Variants in ZBTB20 observed in about 807,000 individuals in gnomAD.
ZBTB20 encodes the protein zinc finger and BTB domain containing 20, also known as zinc finger and BTB domain-containing protein 20.
A neutral mutation model predicts 56.9 loss-of-function variants in ZBTB20; 9 were observed. The observed-to-expected ratio is 0.16, with a 90% CI of 0.10 to 0.28. The LOEUF is 0.28. Ranked by LOEUF, ZBTB20 falls within the 10% of genes least tolerant of loss-of-function variation. The probability of loss-of-function intolerance (pLI) is 1.00; values close to 1 mark genes in which losing one functional copy is unlikely to be tolerated. For missense variants in ZBTB20, 655 were observed against 1,003.0 expected (o/e 0.65, Z 4.69); for synonymous variants, 417 against 420.7 (o/e 0.99, Z 0.11).
chr3:114,954,801 G>A (rs2107933705), intron 3 of ZBTB20, among the ~76,000 whole-genome samples: 1 of 152,290 alleles, frequency 6.6e-6, no homozygotes, highest in Non-Finnish European at 1.5e-5. Flanking sequence ...TCCAAGGGAA[G>A]TATCAGGGGA....
chr3:114,859,570 GCGT>G (rs1412088182), intron 4 of ZBTB20, among the ~76,000 whole-genome samples: 1 of 60,542 alleles, frequency 1.7e-5, no homozygotes, highest in African/African-American at 5.4e-5. Flanking sequence ...ACTTCTTATG[GCGT>G]TTTTTTTTTT....
chr3:114,781,694 T>C (rs1367256587), intron 5 of ZBTB20, among the ~76,000 whole-genome samples: 4 of 152,290 alleles, frequency 2.6e-5, no homozygotes, highest in East Asian at 1.9e-4. Context: ...TCATCTTGAA[T>C]TGTAGCTCCC....
chr3:115,059,833 G>A (rs1436007736), intron 2 of ZBTB20, among the ~76,000 whole-genome samples: 1 of 152,040 alleles, frequency 6.6e-6, no homozygotes, highest in African/African-American at 2.4e-5. Flanking sequence ...ATTTTTAAGT[G>A]TATACCTCTC....
At chr3:114,429,461 T>C (rs2089959290) in intron 7 of ZBTB20, among the ~76,000 whole-genome samples, 1 of 152,176 alleles carries the variant, frequency 6.6e-6, no homozygotes, top group South Asian at 2.1e-4. Flanking sequence ...TTTTTCCCTT[T>C]AGAATCCATC....
chr3:115,028,900 G>C (rs1023474944), intron 2 of ZBTB20, among the ~76,000 whole-genome samples: 2 of 150,680 alleles, frequency 1.3e-5, no homozygotes, highest in Non-Finnish European at 3.0e-5. Context: ...GGTATTCCCA[G>C]TGAAGCCAAG....
intron 6 of ZBTB20, among the ~76,000 whole-genome samples, chr3:114,545,355 C>T (rs779708197): frequency 5.9e-5 from 9 of 151,996 alleles, no homozygotes; most frequent in Non-Finnish European, 1.3e-4. Context: ...CATTTGTATA[C>T]CACTTTTTAG....
chr3:114,702,459 T>C (rs2063454242), intron 5 of ZBTB20, among the ~76,000 whole-genome samples: 1 of 151,752 alleles, frequency 6.6e-6, no homozygotes, highest in South Asian at 2.1e-4. Context: ...AATATACACA[T>C]ACACAGATGA....
At chr3:114,865,511 A>C (rs1464165102) in intron 4 of ZBTB20, among the ~76,000 whole-genome samples, 3 of 152,110 alleles carry the variant, frequency 2.0e-5, no homozygotes, top group Non-Finnish European at 4.4e-5. Flanking sequence ...CTTATAATGG[A>C]TTCCTTCTTG....
At chr3:114,531,707 G>A (rs139656723) in intron 6 of ZBTB20, among the ~76,000 whole-genome samples, 89 of 152,306 alleles carry the variant, frequency 5.8e-4, no homozygotes, top group Admixed American at 3.9e-3. Flanking sequence ...CAAGATGGCC[G>A]AATAGGAACA....
chr3:115,119,608 G>A (rs920625134), intron 1 of ZBTB20, among the ~76,000 whole-genome samples: 1 of 152,146 alleles, frequency 6.6e-6, no homozygotes, highest in African/African-American at 2.4e-5. Context: ...AACACTTAGT[G>A]CTAGGTACAT....
chr3:114,823,722 T>A (rs967252747), intron 4 of ZBTB20, among the ~76,000 whole-genome samples: 2 of 152,104 alleles, frequency 1.3e-5, no homozygotes, highest in African/African-American at 4.8e-5. Context: ...TAAGTTCACA[T>A]ACTACTCACT....
chr3:114,847,287 GA>G (rs11306268), intron 4 of ZBTB20, among the ~76,000 whole-genome samples: 85,183 of 145,622 alleles, frequency 0.58, 27,201 homozygotes, highest in East Asian at 0.79. Context: ...TGGTTCATGA[GA>G]AAAAAAAAAA....
At chr3:115,141,316 T>C (rs1368356944) in intron 1 of ZBTB20, among the ~76,000 whole-genome samples, 4 of 152,208 alleles carry the variant, frequency 2.6e-5, no homozygotes, top group African/African-American at 4.8e-5. Flanking sequence ...TCTGGATTCC[T>C]GTTGCTACTT....
At chr3:115,006,150 C>T (rs2079459991) in intron 2 of ZBTB20, among the ~76,000 whole-genome samples, 1 of 151,614 alleles carries the variant, frequency 6.6e-6, no homozygotes, top group Admixed American at 6.6e-5. Flanking sequence ...ACAGAAACAC[C>T]ACCTCTTAAA....
intron 6 of ZBTB20, among the ~76,000 whole-genome samples, chr3:114,584,043 C>T (rs1021877127): frequency 6.6e-6 from 1 of 152,130 alleles, no homozygotes; most frequent in Non-Finnish European, 1.5e-5. Context: ...TCATCAAACT[C>T]CTTTCTAGCC....
Position 114,437,092 on chromosome 3 carries a change from T to C in ZBTB20, c.-254-47987A>G, listed in dbSNP as rs1467990312. Among the ~76,000 whole-genome samples, 5 of 152,112 alleles carry C rather than the reference T, an allele frequency of 3.3e-5. No individual in the cohort carries two copies. The South Asian group carries it at 8.3e-4, about 25-fold the overall frequency. Reference sequence around the variant, plus strand: ...CTGGAGGGAGGGATAGGGATAATTCTGGAACAGGGGAAGGTGAAGGAAGCA... The same window carrying C: ...CTGGAGGGAGGGATAGGGATAATTCCGGAACAGGGGAAGGTGAAGGAAGCA... On this transcript the variant is annotated intron_variant, in intron 7 of 11. Coordinates refer to ENST00000675478, the MANE Select transcript of ZBTB20 (RefSeq NM_001348800.3).
chr3:114,695,440 C>T (rs2062950228), intron 5 of ZBTB20, among the ~76,000 whole-genome samples: 1 of 151,894 alleles, frequency 6.6e-6, no homozygotes, highest in African/African-American at 2.4e-5. Flanking sequence ...GTCAGTCCTG[C>T]CCTAGTATGG....
intron 6 of ZBTB20, among the ~76,000 whole-genome samples, chr3:114,595,062 T>G (rs967239715): frequency 1.3e-5 from 2 of 152,220 alleles, no homozygotes; most frequent in African/African-American, 4.8e-5. Flanking sequence ...GCTTCTTTTT[T>G]CATTTAAAAA....
chr3:114,945,720 A>T (rs1029173172), intron 3 of ZBTB20, among the ~76,000 whole-genome samples: 1 of 145,510 alleles, frequency 6.9e-6, no homozygotes, highest in Non-Finnish European at 1.5e-5. Flanking sequence ...ATGTAAATTT[A>T]AAAAGTTGCA....
Sources: allele counts gnomAD v4.1 joint callset (sites outside exome capture counted in the v4.1 genomes callset), GRCh38; gene constraint gnomAD v4.1.1; transcripts MANE v1.5; gene names NCBI Gene and HGNC (gene_info 2026-07-23, HGNC 2026-07-21).